PLXNA4: variants seen among roughly 807,000 people sequenced by gnomAD.
PLXNA4 encodes the protein plexin-A4.
Under a neutral mutation model 191.8 loss-of-function variants are expected in PLXNA4, and 44 were observed. The observed-to-expected ratio is 0.23, with a 90% CI of 0.18 to 0.29. PLXNA4 has a LOEUF of 0.29. Among genes scored for constraint, PLXNA4 ranks in the 10% least tolerant of loss-of-function variants. The pLI, the probability that PLXNA4 is intolerant of heterozygous loss-of-function variation, is 1.00. For synonymous variants in PLXNA4, 1,082 were observed against 1,009.5 expected (o/e 1.07, Z -1.36); for missense variants, 1,800 against 2,488.8 (o/e 0.72, Z 5.89).
intron 3 of PLXNA4, among the ~76,000 whole-genome samples, chr7:132,301,033 A>C (rs78599002): frequency 1.5e-3 from 228 of 152,326 alleles, no homozygotes; most frequent in African/African-American, 5.3e-3. Context: ...TGGATGAGGA[A>C]GCACCAACTG....
rs143557991 is a variant in PLXNA4 at position 132,510,792 on chromosome 7, A to G, written c.-86-2013T>C. 4.3e-3 allele frequency among the ~76,000 whole-genome samples: 657 copies of G among 152,332 alleles called. 2 individuals carry two copies. The highest frequency in any genetic ancestry group is 0.037 in the Middle Eastern group (11 of 294). ...CTAGGGGAGGGGTCTACATAGCAGA[A>G]GCATGGGCATATCACATGAGGGTGT... is the stretch of plus-strand genomic sequence containing the variant. On this transcript the variant is annotated intron_variant, in intron 1 of 31. Transcript: ENST00000321063.
intron 4 of PLXNA4, among the ~76,000 whole-genome samples, chr7:132,255,591 T>C (rs1292929322): frequency 2.0e-5 from 3 of 152,314 alleles, no homozygotes; most frequent in East Asian, 1.9e-4. Context: ...AGTTACCATA[T>C]ATGTAAGTGC....
At chr7:132,351,139 G>A (rs1190333604) in intron 3 of PLXNA4, among the ~76,000 whole-genome samples, 1 of 152,238 alleles carries the variant, frequency 6.6e-6, no homozygotes, top group African/African-American at 2.4e-5. Context: ...GCCATGTGGA[G>A]CTGGAGAGGG....
intron 3 of PLXNA4, among the ~76,000 whole-genome samples, chr7:132,359,204 G>C (rs1034992909): frequency 6.9e-6 from 1 of 143,924 alleles, no homozygotes; most frequent in African/African-American, 2.6e-5. Flanking sequence ...AAAAAGTCAA[G>C]GCTGCTTTTT....
chr7:132,613,543 C>T lies in PLXNA4; in HGVS notation c.-87+32385G>A, dbSNP rs529851647. Reference sequence around the variant, plus strand: ...GGCACAGGAAAGTGCCATTAAGTATCTGGTGGCTGAGTGGATATGGCAATG... The same window carrying T: ...GGCACAGGAAAGTGCCATTAAGTATTTGGTGGCTGAGTGGATATGGCAATG... On this transcript the variant is annotated intron_variant, in intron 2 of 4. Transcript: ENST00000378539. Among the ~76,000 whole-genome samples the T allele has an allele frequency of 5.8e-4, 88 of 152,296 alleles. 1 individual carries two copies. Among genetic ancestry groups the T allele is most frequent in the African/African-American group, 2.0e-3 (84 of 41,560 alleles).
Position 132,164,099 on chromosome 7 carries a change from C to T in PLXNA4, c.4500+43G>A, listed in dbSNP as rs369031848. ...TGAGCAGGGCTACCCAGGATGGAAG[C>T]CCGCCTGTCAAAGCCCCAGGGGAAA... On this transcript the variant is annotated intron_variant, in intron 24 of 31. Transcript: ENST00000321063. 4.3e-5 allele frequency: 69 copies of T among 1,610,600 alleles called. No homozygotes were observed. In the African/African-American group the frequency reaches 8.1e-4, roughly 19 times the overall value.
intron 3 of PLXNA4, among the ~76,000 whole-genome samples, chr7:132,465,251 C>T (rs1796656310): frequency 6.6e-6 from 1 of 152,168 alleles, no homozygotes; most frequent in Non-Finnish European, 1.5e-5. Context: ...CTGAGCTCCC[C>T]CGAGGTGTCC....
intron 1 of PLXNA4, among the ~76,000 whole-genome samples, chr7:132,548,892 G>A (rs964187850): frequency 3.9e-5 from 6 of 152,168 alleles, no homozygotes; most frequent in Non-Finnish European, 7.3e-5. Flanking sequence ...AAGTGACCTC[G>A]GGTCGTCCCC....
At chr7:132,591,191 A>G (rs1802598270) in intron 2 of PLXNA4, among the ~76,000 whole-genome samples, 1 of 152,142 alleles carries the variant, frequency 6.6e-6, no homozygotes, top group Non-Finnish European at 1.5e-5. Flanking sequence ...GCCGTGGAAC[A>G]GGGGATGGAG....
intron 1 of PLXNA4, among the ~76,000 whole-genome samples, chr7:132,516,434 T>C (rs974676132): frequency 2.6e-5 from 4 of 152,190 alleles, no homozygotes; most frequent in Non-Finnish European, 5.9e-5. Context: ...ACCACCATCC[T>C]ATGCAGCAAA....
chr7:132,472,072 T>C (rs1473020160), intron 3 of PLXNA4, among the ~76,000 whole-genome samples: 3 of 152,222 alleles, frequency 2.0e-5, no homozygotes. Flanking sequence ...TAAAGTTTGC[T>C]TGTAACCACG....
intron 3 of PLXNA4, chr7:132,385,127 A>G: frequency 1.3e-6 from 2 of 1,599,670 alleles, no homozygotes; most frequent in South Asian, 2.3e-5. Flanking sequence ...ATCTGTTTCC[A>G]TTTTCCAATA....
chr7:132,171,841 G>C (rs1386158310), intron 21 of PLXNA4, among the ~76,000 whole-genome samples: 2 of 152,172 alleles, frequency 1.3e-5, no homozygotes, highest in Non-Finnish European at 2.9e-5. Flanking sequence ...ATGAGAATAT[G>C]AGTGTCTATG....
intron 9 of PLXNA4, among the ~76,000 whole-genome samples, chr7:132,212,195 C>T (rs754071950): frequency 6.6e-5 from 10 of 152,188 alleles, no homozygotes; most frequent in Non-Finnish European, 1.2e-4. Context: ...AAAAGCATGA[C>T]GCACGTGTTC....
At chr7:132,515,973 A>G (rs955944293) in intron 1 of PLXNA4, among the ~76,000 whole-genome samples, 2 of 152,250 alleles carry the variant, frequency 1.3e-5, no homozygotes, top group Non-Finnish European at 2.9e-5. Flanking sequence ...TTCCAAGCTC[A>G]GAGCCTGAAA....
At chr7:132,385,256 T>C in intron 3 of PLXNA4, 1 of 1,613,960 alleles carries the variant, frequency 6.2e-7, no homozygotes, top group Non-Finnish European at 8.5e-7. Context: ...CGGGGTCCCG[T>C]CTGTAGCTCA....
At chr7:132,489,505 G>A (rs761775007) in intron 2 of PLXNA4, 31 bp from the exon 3 acceptor site, 2 of 1,507,534 alleles carry the variant, frequency 1.3e-6, no homozygotes, top group East Asian at 2.3e-5. Flanking sequence ...AAAATTAGAA[G>A]GGAGCGTCAA....
At chr7:132,503,449 G>A (rs1441438976) in intron 2 of PLXNA4, among the ~76,000 whole-genome samples, 2 of 152,174 alleles carry the variant, frequency 1.3e-5, no homozygotes, top group East Asian at 3.9e-4. Flanking sequence ...CAGGTGCTTG[G>A]TCAAACCCAG....
chr7:132,517,175 G>A lies in PLXNA4; in HGVS notation c.-86-8396C>T, dbSNP rs1348431513. Among the ~76,000 whole-genome samples the A allele has an allele frequency of 2.6e-5, 4 of 152,156 alleles. No individual in the cohort carries two copies. In the East Asian group the frequency reaches 5.8e-4, roughly 22 times the overall value. On this transcript the variant is annotated intron_variant, in intron 1 of 31. Transcript: ENST00000321063. ...AGCTAACTTTTCACAAATAACATGCGCTTCCCTATGCGTGAGGCTGCTGGT... is the reference window on the plus strand; with the variant it reads ...AGCTAACTTTTCACAAATAACATGCACTTCCCTATGCGTGAGGCTGCTGGT...
Sources: gnomAD v4.1 joint callset for allele counts (sites outside exome capture counted in the v4.1 genomes callset) on GRCh38, gnomAD v4.1.1 for gene constraint, MANE v1.5 for transcripts, NCBI Gene and HGNC (gene_info 2026-07-23, HGNC 2026-07-21) for gene names.